The following TNNI1 variants were observed in gnomAD, a reference collection of about 807,000 sequenced individuals.
TNNI1 encodes troponin I1, slow skeletal type, also known as troponin I, slow skeletal muscle.
TNNI1 carries 14 observed loss-of-function variants against 26.7 expected under a neutral mutation model. The observed-to-expected ratio is 0.52, with a 90% CI of 0.35 to 0.82. The LOEUF (loss-of-function observed/expected upper bound fraction) is 0.82. Ranked by LOEUF, TNNI1 falls within the 40% of genes least tolerant of loss-of-function variation. The pLI is 0.01. For synonymous variants in TNNI1, 79 were observed against 98.2 expected (o/e 0.80, Z 1.16); for missense variants, 164 against 257.0 (o/e 0.64, Z 2.47).
rs1437259447 is a variant in TNNI1 at position 201,408,934 on chromosome 1, G to A, written c.*319C>T. On this transcript the variant is annotated 3_prime_UTR_variant, in exon 9 of 9. Transcript: ENST00000361379. ...CACTGTACACACATAGAAGGAGTGTGGCACAGGGCTGGAGGAAAGGTGTTC... is the reference window on the plus strand; with the variant it reads ...CACTGTACACACATAGAAGGAGTGTAGCACAGGGCTGGAGGAAAGGTGTTC... 6.6e-6 allele frequency: 1 copy of A among 152,224 alleles called. No individual in the cohort carries two copies. Among genetic ancestry groups the A allele is most frequent in the Admixed American group, 6.5e-5 (1 of 15,288 alleles). The allele number at this position is 152,224 out of a possible 1,614,324, so 9.4% of individuals were successfully genotyped here. A position where few individuals can be genotyped will look rare whatever the true frequency, so the allele number is the denominator to read the frequency against.
Position 201,404,360 on chromosome 1 carries a change from C to T in TNNI1, c.*4893G>A, listed in dbSNP as rs1273264315. ...TCATGTGTCTCAGCTGAGCAACTGC[C>T]ATGCTTGTGGCACTCTTAGGGGAAG... On this transcript the variant is annotated 3_prime_UTR_variant, in exon 9 of 9. Coordinates refer to ENST00000361379, the MANE Select transcript of TNNI1 (RefSeq NM_003281.4). 6.6e-6 allele frequency: 1 copy of T among 152,136 alleles called. No individual in the cohort carries two copies. The highest frequency in any genetic ancestry group is 6.6e-5 in the Admixed American group (1 of 15,258). The allele number at this position is 152,136 out of a possible 1,614,324, so 9.4% of individuals were successfully genotyped here.
In TNNI1 at chr1:201,408,882, TAATGAAG is replaced by T. The variant is rs1662578850; in HGVS notation, c.*364_*370del. The stretch of plus-strand genomic sequence containing the variant: ...AGAAATGACCAGGAAACTGGGTTTT[TAATGAAG>T]AAGGTGTGATGCCTGTGGACACTGT... On this transcript the variant is annotated 3_prime_UTR_variant, in exon 9 of 9. Coordinates refer to ENST00000361379, the MANE Select transcript of TNNI1 (RefSeq NM_003281.4). 6.6e-6 allele frequency: 1 copy of T among 152,264 alleles called. No homozygotes were observed. The highest frequency in any genetic ancestry group is 6.5e-5 in the Admixed American group (1 of 15,282). The allele number at this position is 152,264 out of a possible 1,614,324, so 9.4% of individuals were successfully genotyped here. A position where few individuals can be genotyped will look rare whatever the true frequency, so the allele number is the denominator to read the frequency against.
At chr1:201,417,197 A>T in intron 2 of TNNI1, 78 bp from the exon 3 acceptor site, 1 of 1,598,410 alleles carries the variant, frequency 6.3e-7, no homozygotes, top group Non-Finnish European at 8.6e-7. Flanking sequence ...TTACATGTGC[A>T]GTCGCAGAAC....
rs1210139215 is a variant in TNNI1, at chr1:201,406,823, A to G, written c.*2430T>C. 1.3e-5 allele frequency: 2 copies of G among 152,198 alleles called. No individual in the cohort carries two copies. Among genetic ancestry groups the G allele is most frequent in the African/African-American group, 4.8e-5 (2 of 41,420 alleles). 9.4% of individuals were successfully genotyped at this position (152,198 alleles called of 1,614,324 possible). A position where few individuals can be genotyped will look rare whatever the true frequency, so the allele number is the denominator to read the frequency against. On this transcript the variant is annotated 3_prime_UTR_variant, in exon 9 of 9. Coordinates refer to ENST00000361379, the MANE Select transcript of TNNI1 (RefSeq NM_003281.4). ...CTATGCCTATATTCGCCCTTGCTCC[A>G]TCCTCACAGGAGATGAATTAGGTCT... is the stretch of plus-strand genomic sequence containing the variant.
chr1:201,418,416 C>T (rs534489712), intron 1 of TNNI1, among the ~76,000 whole-genome samples: 63 of 149,322 alleles, frequency 4.2e-4, no homozygotes, highest in African/African-American at 1.5e-3. Flanking sequence ...TACAGTGAGC[C>T]GAGATCGCAC....
rs2767295 is a variant in TNNI1 at position 201,413,430 on chromosome 1, A to C, written c.190-309T>G. ...TGACAGAGCGAGACTCCGTCTCAAAAAAACAAACAAACAAACAAAAAACTA... is the reference window on the plus strand; with the variant it reads ...TGACAGAGCGAGACTCCGTCTCAAACAAACAAACAAACAAACAAAAAACTA... On this transcript the variant is annotated intron_variant, in intron 5 of 8. Coordinates refer to ENST00000361379, the MANE Select transcript of TNNI1 (RefSeq NM_003281.4). 2.6e-4 allele frequency among the ~76,000 whole-genome samples: 40 copies of C among 151,258 alleles called. 1 individual carries two copies. The highest frequency in any genetic ancestry group is 4.6e-4 in the Admixed American group (7 of 15,204).
At chr1:201,413,228 G>A (rs1038792686) in intron 5 of TNNI1, 107 bp from the exon 6 acceptor site, 28 of 1,228,870 alleles carry the variant, frequency 2.3e-5, no homozygotes, top group Non-Finnish European at 3.3e-5. Context: ...CTGGGATCCA[G>A]AGAGGAGCTG....
chr1:201,412,916 T>G (rs1201082672), intron 6 of TNNI1, 116 bp downstream of exon 6: 1 of 1,011,016 alleles, frequency 9.9e-7, no homozygotes, highest in African/African-American at 1.6e-5. Flanking sequence ...GTTTCCTGCT[T>G]AAGTGGCCCC....
chr1:201,417,149 G>T (rs1178882140), intron 2 of TNNI1, 30 bp from the exon 3 acceptor site: 1 of 1,614,008 alleles, frequency 6.2e-7, no homozygotes, highest in Admixed American at 1.7e-5. Flanking sequence ...GAAGGACGGG[G>T]AAAGAGCAGA....
Position 201,411,399 on chromosome 1 carries a change from C to A in TNNI1, c.414G>T (p.Leu138=), listed in dbSNP as rs776568372. The change falls in exon 7 of 9, where the codon CTG becomes CTT. Residue 138 remains leucine (L), a synonymous_variant. Coordinates refer to ENST00000361379, the MANE Select transcript of TNNI1 (RefSeq NM_003281.4). This position sits in a 1 kb window ranked among gnomAD's most constrained non-coding sequence, Gnocchi z 4.6. ...LGSKHKVSMD[L]RANLKSVKKE... is the part of the protein sequence containing the mutation. ...TCTTCACAGACTTGAGGTTGGCCCG[C>A]AGATCCATGGACACCTTGTGCTTGG... 1 of 1,613,958 alleles carries A rather than the reference C, an allele frequency of 6.2e-7. No individual in the cohort carries two copies. Among genetic ancestry groups the A allele is most frequent in the South Asian group, 1.1e-5 (1 of 91,006 alleles).
chr1:201,414,697 G>T, intron 4 of TNNI1, 48 bp from the exon 5 acceptor site: 1 of 1,595,570 alleles, frequency 6.3e-7, no homozygotes, highest in East Asian at 2.2e-5. Flanking sequence ...TCTCCCACCC[G>T]GCATCAGGGA....
chr1:201,414,357 AG>A lies in TNNI1; in HGVS notation c.189+160del, dbSNP rs1276889340. ...ATGGAATCTAATGTTCCCACCTCACAGGTGGTTGTGAAGATTAAATGAGACC... is the reference window on the plus strand; with the variant it reads ...ATGGAATCTAATGTTCCCACCTCACAGTGGTTGTGAAGATTAAATGAGACC... On this transcript the variant is annotated intron_variant, in intron 5 of 8. Coordinates refer to ENST00000361379, the MANE Select transcript of TNNI1 (RefSeq NM_003281.4). Among the ~76,000 whole-genome samples, 10 of 152,338 alleles carry A rather than the reference AG, an allele frequency of 6.6e-5. No homozygotes were observed. In the East Asian group the frequency reaches 1.7e-3, roughly 26 times the overall value.
At chr1:201,415,003 C>A (rs1005479679) in intron 4 of TNNI1, among the ~76,000 whole-genome samples, 1 of 152,244 alleles carries the variant, frequency 6.6e-6, no homozygotes, top group African/African-American at 2.4e-5. Context: ...GGACCACAGG[C>A]GGATGCCAGA....
rs745766873 is a variant in TNNI1, at chr1:201,405,103, G to C, written c.*4150C>G. The C allele has an allele frequency of 6.6e-6, 1 of 152,308 alleles. No individual in the cohort carries two copies. The highest frequency in any genetic ancestry group is 1.9e-4 in the East Asian group (1 of 5,202). The allele number at this position is 152,308 out of a possible 1,614,324, so 9.4% of individuals were successfully genotyped here. On this transcript the variant is annotated 3_prime_UTR_variant, in exon 9 of 9. Coordinates refer to ENST00000361379, the MANE Select transcript of TNNI1 (RefSeq NM_003281.4). ...GGGCAGCCTGTTCAGATCCCTGGGC[G>C]TTTGCCTCTGGCCAGGAGACCAAAG... is the stretch of plus-strand genomic sequence containing the variant.
Position 201,405,334 on chromosome 1 carries a change from G to C in TNNI1, c.*3919C>G, listed in dbSNP as rs1310954873. On this transcript the variant is annotated 3_prime_UTR_variant, in exon 9 of 9. Coordinates refer to ENST00000361379, the MANE Select transcript of TNNI1 (RefSeq NM_003281.4). ...GACCCACAAGCCAGCCTAGAAGTGT[G>C]TCTTGGAAGGAAGAGAAAACCCTTG... 1 of 152,718 alleles carries C rather than the reference G, an allele frequency of 6.5e-6. No individual in the cohort carries two copies. Among genetic ancestry groups the C allele is most frequent in the Non-Finnish European group, 1.5e-5 (1 of 68,078 alleles). The allele number at this position is 152,718 out of a possible 1,614,324, so 9.5% of individuals were successfully genotyped here. A position where few individuals can be genotyped will look rare whatever the true frequency, so the allele number is the denominator to read the frequency against.
In TNNI1 at chr1:201,417,103, A is replaced by T. The variant is rs1167272902; in HGVS notation, c.15+13T>A. 1 of 1,614,010 alleles carries T rather than the reference A, an allele frequency of 6.2e-7. No homozygotes were observed. Among genetic ancestry groups the T allele is most frequent in the Non-Finnish European group, 8.5e-7 (1 of 1,180,020 alleles). ...GAGTTAACCAAGACAGAGATACCCCAAATATCACTTACCTCGCTTCAGGCA... is the reference window on the plus strand; with the variant it reads ...GAGTTAACCAAGACAGAGATACCCCTAATATCACTTACCTCGCTTCAGGCA... On this transcript the variant is annotated intron_variant, in intron 3 of 8. Coordinates refer to ENST00000361379, the MANE Select transcript of TNNI1 (RefSeq NM_003281.4).
At position 201,406,776 on chromosome 1, in the gene TNNI1, A is replaced by G. The variant is rs1662523732; in HGVS notation, c.*2477T>C. The G allele has an allele frequency of 6.6e-6, 1 of 152,254 alleles. No individual in the cohort carries two copies. Among genetic ancestry groups the G allele is most frequent in the South Asian group, 2.1e-4 (1 of 4,828 alleles). 9.4% of individuals were successfully genotyped at this position (152,254 alleles called of 1,614,324 possible). A position where few individuals can be genotyped will look rare whatever the true frequency, so the allele number is the denominator to read the frequency against. On this transcript the variant is annotated 3_prime_UTR_variant, in exon 9 of 9. Transcript: ENST00000361379. ...CTTCCCCTTGTCCACAGGGCCTCTCAATCCTTGCGCTCCAGATATGTCTAT... is the reference window on the plus strand; with the variant it reads ...CTTCCCCTTGTCCACAGGGCCTCTCGATCCTTGCGCTCCAGATATGTCTAT...
At chr1:201,421,366 A>G (rs1390127732) in intron 1 of TNNI1, among the ~76,000 whole-genome samples, 1 of 152,098 alleles carries the variant, frequency 6.6e-6, no homozygotes, top group Non-Finnish European at 1.5e-5. Flanking sequence ...TCCTGTGTGA[A>G]AACATCATCC....
intron 3 of TNNI1, 86 bp downstream of exon 3, chr1:201,417,030 C>A: frequency 1.3e-6 from 2 of 1,541,670 alleles, no homozygotes; most frequent in Non-Finnish European, 1.8e-6. Flanking sequence ...ACAGGCTCTT[C>A]CCTCTCCTCA....
Sources: gnomAD v4.1 joint callset for allele counts (sites outside exome capture counted in the v4.1 genomes callset) on GRCh38, gnomAD v4.1.1 for gene constraint, Gnocchi (gnomAD v3.1) non-coding constraint, MANE v1.5 for transcripts, NCBI Gene and HGNC (gene_info 2026-07-23, HGNC 2026-07-21) for gene names.